WDR1: variants seen among roughly 807,000 people sequenced by gnomAD.
WDR1 encodes the protein WD repeat-containing protein 1.
In WDR1, 21 loss-of-function variants were observed where a neutral mutation model predicts 71.9. The observed-to-expected ratio is 0.29, with a 90% CI of 0.21 to 0.42. The LOEUF is 0.42. Ranked by LOEUF, WDR1 falls within the 10% of genes least tolerant of loss-of-function variation. WDR1 has a pLI of 1.00. For missense variants in WDR1, 696 were observed against 824.5 expected (o/e 0.84, Z 1.91); for synonymous variants, 424 against 347.4 (o/e 1.22, Z -2.45).
rs185879264 is a variant in WDR1, at chr4:10,087,865, C to T, written c.793G>A (p.Val265Met). The T allele has an allele frequency of 6.3e-5, 99 of 1,569,306 alleles. 1 individual carries two copies. In the African/African-American group the frequency reaches 8.5e-4, roughly 13 times the overall value. Reference protein sequence around the residue: ...DKTSKIWDVSVNSVVSTFPMG... With the variant: ...DKTSKIWDVSMNSVVSTFPMG... ...GGAAATGTGCTGACCACGGAGTTCA[C>T]GCTGACGTCCCAAATCTTGGAAGTT... The change falls in exon 8 of 15, where the codon GTG becomes ATG. Residue 265 changes from valine to methionine, a missense_variant. Transcript: ENST00000499869.
intron 2 of WDR1, among the ~76,000 whole-genome samples, chr4:10,112,702 G>C (rs1193033585): frequency 1.3e-5 from 2 of 152,244 alleles, no homozygotes; most frequent in African/African-American, 4.8e-5. Context: ...ACACTGAGCT[G>C]AGCTTTCCTT....
At chr4:10,104,883 G>A (rs1712926710) in intron 2 of WDR1, among the ~76,000 whole-genome samples, 1 of 152,170 alleles carries the variant, frequency 6.6e-6, no homozygotes, top group African/African-American at 2.4e-5. Context: ...CCAGACTCCT[G>A]TGAGGGTGCC....
In WDR1 at chr4:10,075,025, C is replaced by T. The variant is rs935326698; in HGVS notation, c.*353G>A. The stretch of plus-strand genomic sequence containing the variant: ...CGGCTCATTCACCTGTACAACCTCC[C>T]CTGACAGATAGTGAGAGCCGCGGCG... On this transcript the variant is annotated 3_prime_UTR_variant, in exon 15 of 15. Transcript: ENST00000499869. The T allele has an allele frequency of 2.7e-6, 1 of 374,188 alleles. No individual in the cohort carries two copies. The highest frequency in any genetic ancestry group is 4.2e-5 in the Admixed American group (1 of 23,694). 23.2% of individuals were successfully genotyped at this position (374,188 alleles called of 1,614,324 possible).
rs543408596 is a variant in WDR1, at chr4:10,075,162, C to T, written c.*216G>A. On this transcript the variant is annotated 3_prime_UTR_variant, in exon 15 of 15. Coordinates refer to ENST00000499869, the MANE Select transcript of WDR1 (RefSeq NM_017491.5). ...ATGCTCCACACATTGTTTAGGTGCT[C>T]GCTTTATTTTTCATGTGCAAACTGT... The T allele has an allele frequency of 2.6e-5, 14 of 545,002 alleles. No homozygotes were observed. Among genetic ancestry groups the T allele is most frequent in the African/African-American group, 5.7e-5 (3 of 53,072 alleles). The allele number at this position is 545,002 out of a possible 1,614,324, so 33.8% of individuals were successfully genotyped here.
At chr4:10,080,852 C>T (rs1344724729) in intron 11 of WDR1, among the ~76,000 whole-genome samples, 1 of 152,238 alleles carries the variant, frequency 6.6e-6, no homozygotes, top group Non-Finnish European at 1.5e-5. Flanking sequence ...AGGCCTCAGC[C>T]TCCTCATCTG....
rs530731401 is a variant in WDR1 at position 10,097,804 on chromosome 4, C to T, written c.465G>A (p.Lys155=). The T allele has an allele frequency of 2.3e-5, 37 of 1,613,388 alleles. No individual in the cohort carries two copies. The highest frequency in any genetic ancestry group is 8.3e-5 in the Admixed American group (5 of 59,910). Reference sequence around the variant, plus strand: ...TGGCCAGCCGGTATGGCCGGCTCTGCTTGATGTCCACGCTGTTGATGACTT... The same window carrying T: ...TGGCCAGCCGGTATGGCCGGCTCTGTTTGATGTCCACGCTGTTGATGACTT... ...HNKVINSVDI[K]QSRPYRLATG... Residue 155 remains lysine (K), a synonymous_variant, in exon 5 of 15, where the codon AAG becomes AAA. Transcript: ENST00000499869.
chr4:10,080,516 A>T (rs1002382427), intron 11 of WDR1, among the ~76,000 whole-genome samples: 6 of 152,238 alleles, frequency 3.9e-5, no homozygotes, highest in Non-Finnish European at 8.8e-5. Context: ...GACACAGAGA[A>T]ATCCACTGTC....
At chr4:10,087,992 G>A in intron 7 of WDR1, 52 bp from the exon 8 acceptor site, 1 of 1,486,556 alleles carries the variant, frequency 6.7e-7, no homozygotes, top group Non-Finnish European at 9.0e-7. Context: ...AGACTGGAGA[G>A]AGACCCCAAA....
chr4:10,112,273 G>C lies in WDR1; in HGVS notation c.138+3840C>G, dbSNP rs576751369. Among the ~76,000 whole-genome samples, 4 of 152,198 alleles carry C rather than the reference G, an allele frequency of 2.6e-5. No individual in the cohort carries two copies. The South Asian group carries it at 8.3e-4, about 32-fold the overall frequency. On this transcript the variant is annotated intron_variant, in intron 2 of 14. Transcript: ENST00000499869. ...AGGAAACTTAGAAGGAACCACCCCA[G>C]ACCTAAGGAGGTACCAGCACCTGCA...
Position 10,103,990 on chromosome 4 carries a change from C to T in WDR1, c.139-4G>A, listed in dbSNP as rs1560543645. 1.9e-6 allele frequency: 3 copies of T among 1,591,646 alleles called. No homozygotes were observed. Among genetic ancestry groups the T allele is most frequent in the Admixed American group, 1.8e-5 (1 of 56,886 alleles). On this transcript the variant is annotated splice_region_variant and splice_polypyrimidine_tract_variant and intron_variant, in intron 2 of 14. Transcript: ENST00000499869. ...AGATGTCAGCAAGGGCTGGGTTCTG[C>T]AGGAGGAGACCCCGGAATGAACAGA... is the stretch of plus-strand genomic sequence containing the variant.
chr4:10,096,325 C>A (rs1712347623), intron 5 of WDR1: 2 of 152,428 alleles, frequency 1.3e-5, no homozygotes, highest in South Asian at 4.1e-4. Context: ...GCATTACTCA[C>A]CCTGCTCTGC....
chr4:10,109,944 T>G (rs927998541), intron 2 of WDR1, among the ~76,000 whole-genome samples: 4 of 152,152 alleles, frequency 2.6e-5, no homozygotes, highest in Admixed American at 6.5e-5. Flanking sequence ...CCGTTAAATC[T>G]TACACTGATC....
chr4:10,078,828 C>T, intron 12 of WDR1, 63 bp downstream of exon 12: 1 of 1,427,100 alleles, frequency 7.0e-7, no homozygotes, highest in Non-Finnish European at 9.7e-7. Context: ...ACACAGCTCA[C>T]ACTGTCCCCA....
intron 2 of WDR1, among the ~76,000 whole-genome samples, chr4:10,110,480 G>A (rs993390243): frequency 6.6e-6 from 1 of 152,198 alleles, no homozygotes; most frequent in African/African-American, 2.4e-5. Flanking sequence ...CAACACACAG[G>A]AGGCCACAGT....
intron 2 of WDR1, among the ~76,000 whole-genome samples, chr4:10,107,365 G>C (rs1299310161): frequency 6.6e-6 from 1 of 152,172 alleles, no homozygotes; most frequent in Admixed American, 6.5e-5. Context: ...TTCTTCCTGG[G>C]AAGAGCGATA....
chr4:10,114,571 C>T (rs61391968), intron 2 of WDR1, among the ~76,000 whole-genome samples: 3,378 of 152,306 alleles, frequency 0.022, 132 homozygotes, highest in African/African-American at 0.076. Context: ...AGGGGCAAAA[C>T]GAAATATCCT....
At chr4:10,079,071 G>A (rs1051178673) in intron 11 of WDR1, 70 bp from the exon 12 acceptor site, 1 of 1,290,486 alleles carries the variant, frequency 7.7e-7, no homozygotes, top group Non-Finnish European at 1.1e-6. Flanking sequence ...GGTAGGAGGG[G>A]CGCGTCCCTG....
chr4:10,077,658 C>G, intron 13 of WDR1, 95 bp downstream of exon 13: 1 of 1,472,210 alleles, frequency 6.8e-7, no homozygotes, highest in South Asian at 1.4e-5. Context: ...ACAGCTCAGA[C>G]AGGCTCAGCT....
At chr4:10,090,506 C>CCCT in intron 5 of WDR1, among the ~76,000 whole-genome samples, 1 of 152,178 alleles carries the variant, frequency 6.6e-6, no homozygotes, top group Non-Finnish European at 1.5e-5. Flanking sequence ...CTCTCTAGGC[C>CCCT]CAAGAGTGAT....
Sources: allele counts gnomAD v4.1 joint callset (sites outside exome capture counted in the v4.1 genomes callset), GRCh38; gene constraint gnomAD v4.1.1; transcripts MANE v1.5; gene names NCBI Gene and HGNC (gene_info 2026-07-23, HGNC 2026-07-21).